Variants in CA5A observed in about 807,000 individuals in gnomAD.
CA5A encodes carbonic anhydrase 5A, mitochondrial.
In CA5A, 28 loss-of-function variants were observed where a neutral mutation model predicts 37.1. The observed-to-expected ratio is 0.75, with a 90% CI of 0.56 to 1.03. The LOEUF (loss-of-function observed/expected upper bound fraction) is 1.03. Ranked by LOEUF, CA5A falls within the 50% of genes least tolerant of loss-of-function variation. The pLI, the probability that CA5A is intolerant of heterozygous loss-of-function variation, is 0.00. For missense variants in CA5A, 444 were observed against 399.9 expected, an observed-to-expected ratio of 1.11 and a Z score of -0.94; for synonymous variants, 171 against 158.4, an observed-to-expected ratio of 1.08 and a Z score of -0.60.
chr16:87,933,292 C>T (rs541409307), intron 1 of CA5A, among the ~76,000 whole-genome samples: 19 of 152,334 alleles, frequency 1.2e-4, no homozygotes, highest in African/African-American at 3.6e-4. Context: ...AAGTTACCAA[C>T]GTAACGTTGC....
At position 87,911,658 on chromosome 16, in the gene CA5A, G is replaced by A. The variant is rs1363905957; in HGVS notation, c.341-6754C>T. Among the ~76,000 whole-genome samples the A allele has an allele frequency of 6.6e-6, 1 of 152,256 alleles. No homozygotes were observed. Among genetic ancestry groups the A allele is most frequent in the Admixed American group, 6.5e-5 (1 of 15,294 alleles). On this transcript the variant is annotated intron_variant, in intron 2 of 6. Transcript: ENST00000649794. The surrounding 1 kb of genome is among the most constrained non-coding windows in gnomAD (Gnocchi z 4.6). ...CCACCTCCCCAGGCAGGCAGGGGCC[G>A]CAGCCACTGCAAGCCCCTGCCCACA...
At chr16:87,929,843 G>A (rs1414542576) in intron 1 of CA5A, among the ~76,000 whole-genome samples, 1 of 128,168 alleles carries the variant, frequency 7.8e-6, no homozygotes, top group Non-Finnish European at 1.6e-5. Flanking sequence ...CCGCACTCCA[G>A]CCTGGGCAAT....
chr16:87,918,045 T>C (rs2056178929), intron 2 of CA5A, among the ~76,000 whole-genome samples: 2 of 152,250 alleles, frequency 1.3e-5, no homozygotes, highest in Admixed American at 1.3e-4. Flanking sequence ...GTCTCTCATC[T>C]TGGAGCTGCC....
intron 5 of CA5A, among the ~76,000 whole-genome samples, chr16:87,895,622 T>A (rs142874349): frequency 6.6e-6 from 1 of 152,152 alleles, no homozygotes; most frequent in Non-Finnish European, 1.5e-5. Flanking sequence ...TTGGGTATAT[T>A]CACAGTTGTG....
intron 2 of CA5A, among the ~76,000 whole-genome samples, chr16:87,916,111 T>G (rs1197025183): frequency 1.4e-5 from 2 of 144,856 alleles, no homozygotes; most frequent in Non-Finnish European, 3.0e-5. Flanking sequence ...GAGCTTGCAG[T>G]GAGCAGAGAT....
In CA5A at chr16:87,924,082, A is replaced by T. The variant is rs1167162179; in HGVS notation, c.340+2666T>A. The T allele has an allele frequency of 1.3e-5, 13 of 985,292 alleles. No homozygotes were observed. The Admixed American group carries it at 8.0e-4, about 61-fold the overall frequency. 61.0% of individuals were successfully genotyped at this position (985,292 alleles called of 1,614,324 possible). ...GGCAACTGAATAAATGAATGCAAAA[A>T]TCCCTGCTCCCTGGTCCCCGAAGCT... is the stretch of plus-strand genomic sequence containing the variant. On this transcript the variant is annotated intron_variant, in intron 2 of 6. Transcript: ENST00000649794.
intron 1 of CA5A, among the ~76,000 whole-genome samples, chr16:87,930,261 G>A (rs112502370): frequency 1.6e-3 from 238 of 152,306 alleles, no homozygotes; most frequent in African/African-American, 5.4e-3. Context: ...TGGATTAACT[G>A]CCCCTGCCCC....
At chr16:87,895,553 A>C (rs1180456956) in intron 5 of CA5A, among the ~76,000 whole-genome samples, 1 of 145,910 alleles carries the variant, frequency 6.9e-6, no homozygotes, top group Non-Finnish European at 1.5e-5. Context: ...CTCAAAAAGA[A>C]AACAAAAAAC....
chr16:87,930,572 G>A (rs547566536), intron 1 of CA5A, among the ~76,000 whole-genome samples: 32 of 152,174 alleles, frequency 2.1e-4, no homozygotes, highest in Admixed American at 7.2e-4. Context: ...GGATGCTGAC[G>A]AGTAAAGCTG....
At position 87,898,228 on chromosome 16, in the gene CA5A, C is replaced by T. The variant is rs557937163; in HGVS notation, c.618+3684G>A. Among the ~76,000 whole-genome samples the T allele has an allele frequency of 7.4e-4, 112 of 152,334 alleles. 2 individuals carry two copies. Among genetic ancestry groups the T allele is most frequent in the Non-Finnish European group, 1.3e-3 (91 of 68,032 alleles). ...TCTTTCCTGCCCTAATTCAGGACAA[C>T]TTGTTCCTTAACTGGAGGAAACCAG... On this transcript the variant is annotated intron_variant, in intron 5 of 6. Coordinates refer to ENST00000649794, the MANE Select transcript of CA5A (RefSeq NM_001739.2).
chr16:87,907,302 G>A (rs562301983), intron 2 of CA5A, among the ~76,000 whole-genome samples: 5 of 152,270 alleles, frequency 3.3e-5, no homozygotes, highest in South Asian at 2.1e-4. Context: ...ATGGGAGCAC[G>A]GTGAGCTCTG....
intron 2 of CA5A, among the ~76,000 whole-genome samples, chr16:87,907,175 G>A (rs8062480): frequency 0.021 from 3,151 of 152,196 alleles, 116 homozygotes; most frequent in African/African-American, 0.072. Flanking sequence ...CCGAGATTGC[G>A]CCAATGCACT....
Position 87,911,402 on chromosome 16 carries a change from T to C in CA5A, c.341-6498A>G, listed in dbSNP as rs1350607597. On this transcript the variant is annotated intron_variant, in intron 2 of 6. Transcript: ENST00000649794. The surrounding 1 kb of genome is among the most constrained non-coding windows in gnomAD (Gnocchi z 4.6). ...TCTCTGCTATTACAACAGATGCTGTTAATAGCCATCTATTTGTAGTTCGGG... is the reference window on the plus strand; with the variant it reads ...TCTCTGCTATTACAACAGATGCTGTCAATAGCCATCTATTTGTAGTTCGGG... 6.6e-6 allele frequency among the ~76,000 whole-genome samples: 1 copy of C among 152,234 alleles called. No individual in the cohort carries two copies. The highest frequency in any genetic ancestry group is 1.5e-5 in the Non-Finnish European group (1 of 68,038).
intron 2 of CA5A, 101 bp downstream of exon 2, chr16:87,926,647 C>G (rs1358053903): frequency 6.6e-6 from 6 of 906,472 alleles, no homozygotes; most frequent in Non-Finnish European, 8.7e-6. Flanking sequence ...ACAAGGAAAG[C>G]AGCACCTTCC....
chr16:87,882,454 C>G (rs536669561), intron 4 of CA5A: 5 of 152,372 alleles, frequency 3.3e-5, no homozygotes, highest in African/African-American at 1.2e-4. Context: ...GCCTCAGTTT[C>G]CTTATTAAAA....
intron 2 of CA5A, among the ~76,000 whole-genome samples, chr16:87,912,370 G>A (rs1258900526): frequency 2.6e-5 from 4 of 152,082 alleles, no homozygotes; most frequent in South Asian, 2.1e-4. Flanking sequence ...ATCTCACCAC[G>A]GCAGAGATCC....
At chr16:87,915,426 T>C (rs1473091605) in intron 2 of CA5A, among the ~76,000 whole-genome samples, 2 of 151,886 alleles carry the variant, frequency 1.3e-5, no homozygotes, top group African/African-American at 4.8e-5. Context: ...TCCCAGCTAC[T>C]TGGGAGGCTA....
Position 87,904,876 on chromosome 16 carries a change from G to A in CA5A, c.369C>T (p.His123=), listed in dbSNP as rs765906757. Residue 123 remains histidine, a synonymous_variant, in exon 3 of 7, where the codon CAC becomes CAT. Coordinates refer to ENST00000649794, the MANE Select transcript of CA5A (RefSeq NM_001739.2). ...SGISGGPLEN[H]YRLKQFHFHW... The stretch of plus-strand genomic sequence containing the variant: ...GGAAGTGAAATTGCTTCAGTCTGTA[G>A]TGGTTTTCCAAGGGCCCACCACTAA... 2 of 1,612,752 alleles carry A rather than the reference G, an allele frequency of 1.2e-6. No homozygotes were observed. Among genetic ancestry groups the A allele is most frequent in the Admixed American group, 1.7e-5 (1 of 60,008 alleles).
At chr16:87,930,461 C>T (rs114318993) in intron 1 of CA5A, among the ~76,000 whole-genome samples, 5 of 152,180 alleles carry the variant, frequency 3.3e-5, no homozygotes, top group East Asian at 1.9e-4. Flanking sequence ...GGACCTCCCC[C>T]CTCCGGACCC....
Sources: allele counts gnomAD v4.1 joint callset (sites outside exome capture counted in the v4.1 genomes callset), GRCh38; gene constraint gnomAD v4.1.1; non-coding constraint Gnocchi (gnomAD v3.1); transcripts MANE v1.5; gene names NCBI Gene and HGNC (gene_info 2026-07-23, HGNC 2026-07-21).